Variants in FRMPD4 observed in about 807,000 individuals in gnomAD.
FRMPD4 encodes the protein FERM and PDZ domain containing 4.
Under a neutral mutation model 94.1 loss-of-function variants are expected in FRMPD4, and 22 were observed. That is an observed-to-expected ratio of 0.23 (90% CI 0.17 to 0.33). The LOEUF (loss-of-function observed/expected upper bound fraction) is 0.33, where lower values mean the gene tolerates loss of function less well. Among genes scored for constraint, FRMPD4 ranks in the 10% least tolerant of loss-of-function variants. The pLI is 1.00. For missense variants in FRMPD4, 1,111 were observed against 1,339.9 expected (o/e 0.83, Z 2.67); for synonymous variants, 631 against 548.6 (o/e 1.15, Z -2.10).
chrX:12,436,162 C>T (rs2057064382), intron 1 of FRMPD4, among the ~76,000 whole-genome samples: 1 of 110,734 alleles, frequency 9.0e-6, no homozygotes, highest in Non-Finnish European at 1.9e-5. Context: ...CCCGCCATCA[C>T]ATCTGGCTAA....
chrX:12,267,706 G>A (rs188659421), intron 1 of FRMPD4, among the ~76,000 whole-genome samples: 4 of 112,851 alleles, frequency 3.5e-5, no homozygotes, highest in Non-Finnish European at 7.5e-5. Flanking sequence ...TGTAGGCAGG[G>A]ATAGAAGCAA....
intron 3 of FRMPD4, among the ~76,000 whole-genome samples, chrX:11,975,460 C>A (rs1443007225): frequency 8.9e-6 from 1 of 112,110 alleles, no homozygotes; most frequent in African/African-American, 3.2e-5. Flanking sequence ...ACAAGAACAC[C>A]AAACACATAG....
intron 1 of FRMPD4, among the ~76,000 whole-genome samples, chrX:12,242,960 G>C: frequency 8.9e-6 from 1 of 112,025 alleles, no homozygotes; most frequent in Non-Finnish European, 1.9e-5. Flanking sequence ...GTTGGTTTCA[G>C]ACTCCTGGGC....
intron 1 of FRMPD4, among the ~76,000 whole-genome samples, chrX:12,310,059 A>G (rs1479124394): frequency 8.9e-6 from 1 of 112,268 alleles, no homozygotes; most frequent in Non-Finnish European, 1.9e-5. Context: ...ACCACCGAAC[A>G]GGCTTTGTGT....
intron 1 of FRMPD4, among the ~76,000 whole-genome samples, chrX:12,321,978 G>A (rs2055214333): frequency 8.9e-6 from 1 of 111,902 alleles, no homozygotes; most frequent in Admixed American, 9.5e-5. Flanking sequence ...ATGTGGAAGG[G>A]GGCCTGGGTA....
At chrX:12,628,743 C>T (rs915366988) in intron 4 of FRMPD4, among the ~76,000 whole-genome samples, 6 of 112,866 alleles carry the variant, frequency 5.3e-5, no homozygotes, top group African/African-American at 1.9e-4. Context: ...ACCCCATTTT[C>T]CCCATCCTCA....
At chrX:12,028,755 C>T (rs768209036) in intron 3 of FRMPD4, among the ~76,000 whole-genome samples, 1 of 111,863 alleles carries the variant, frequency 8.9e-6, no homozygotes, top group African/African-American at 3.2e-5. Context: ...CTCAGATTGG[C>T]TTCTTTCACT....
intron 3 of FRMPD4, among the ~76,000 whole-genome samples, chrX:12,112,272 A>G (rs1430502445): frequency 9.0e-6 from 1 of 111,633 alleles, no homozygotes; most frequent in African/African-American, 3.3e-5. Flanking sequence ...TTGTAGGGAC[A>G]TGGATGAAGC....
intron 3 of FRMPD4, among the ~76,000 whole-genome samples, chrX:12,016,477 G>A (rs1264317267): frequency 3.6e-5 from 4 of 111,383 alleles, no homozygotes; most frequent in Non-Finnish European, 3.8e-5. Flanking sequence ...GTGTTTCTCC[G>A]GAAAAGCTTT....
chrX:12,118,350 G>C (rs750808320), intron 3 of FRMPD4, among the ~76,000 whole-genome samples: 20 of 109,737 alleles, frequency 1.8e-4, no homozygotes, highest in Non-Finnish European at 2.8e-4. Flanking sequence ...AAAGTGCCTA[G>C]AAGTATTCTT....
intron 3 of FRMPD4, among the ~76,000 whole-genome samples, chrX:11,971,797 A>C (rs1161005261): frequency 1.8e-5 from 2 of 112,540 alleles, no homozygotes; most frequent in Admixed American, 1.9e-4. Flanking sequence ...AGAAAGAATG[A>C]GATAAAAACG....
chrX:11,859,192 A>G (rs760994177), intron 1 of FRMPD4, among the ~76,000 whole-genome samples: 286 of 111,913 alleles, frequency 2.6e-3, no homozygotes, highest in African/African-American at 8.7e-3. Flanking sequence ...CATTTTCTGC[A>G]CATGGGAAGA....
chrX:12,245,634 A>C (rs972991861), intron 1 of FRMPD4, among the ~76,000 whole-genome samples: 1 of 109,445 alleles, frequency 9.1e-6, no homozygotes, highest in African/African-American at 3.3e-5. Flanking sequence ...GATGGTATTA[A>C]GAGATGAGAC....
intron 4 of FRMPD4, among the ~76,000 whole-genome samples, chrX:12,637,147 C>T (rs1468565882): frequency 8.9e-6 from 1 of 112,142 alleles, no homozygotes; most frequent in Non-Finnish European, 1.9e-5. Flanking sequence ...AAATGCAGGA[C>T]AAAAGGTTTC....
intron 3 of FRMPD4, among the ~76,000 whole-genome samples, chrX:12,032,750 G>A (rs932237319): frequency 1.8e-5 from 2 of 112,019 alleles, no homozygotes; most frequent in African/African-American, 6.5e-5. Flanking sequence ...TCTGTCAGTG[G>A]TAAATAAATA....
At chrX:12,033,822 C>T (rs936553640) in intron 3 of FRMPD4, among the ~76,000 whole-genome samples, 18 of 112,038 alleles carry the variant, frequency 1.6e-4, no homozygotes, top group African/African-American at 4.9e-4. Flanking sequence ...CTCAGCCTCC[C>T]GAGTAGCTGG....
At chrX:11,851,950 CA>C (rs201359187) in intron 1 of FRMPD4, among the ~76,000 whole-genome samples, 25,521 of 68,601 alleles carry the variant, frequency 0.37, 2,938 homozygotes, top group Middle Eastern at 0.44. Context: ...AAATATTATA[CA>C]AAAAAAAAAA....
intron 1 of FRMPD4, among the ~76,000 whole-genome samples, chrX:12,381,646 A>G (rs1362084170): frequency 8.9e-6 from 1 of 112,027 alleles, no homozygotes; most frequent in African/African-American, 3.2e-5. Context: ...TTGGATGGCA[A>G]GCGGGACTTT....
upstream of FRMPD4, among the ~76,000 whole-genome samples, chrX:12,137,784 G>A (rs2055618847): frequency 8.9e-6 from 1 of 112,365 alleles, no homozygotes; most frequent in African/African-American, 3.2e-5. Flanking sequence ...TTATGTTTCT[G>A]TGTTTTTGCT....
Sources: gnomAD v4.1 joint callset for allele counts (sites outside exome capture counted in the v4.1 genomes callset) on GRCh38, gnomAD v4.1.1 for gene constraint, MANE v1.5 for transcripts, NCBI Gene and HGNC (gene_info 2026-07-23, HGNC 2026-07-21) for gene names.